SYCP2: variants seen among roughly 807,000 people sequenced by gnomAD.
SYCP2 encodes synaptonemal complex protein 2, also known as synaptonemal complex lateral element protein.
Under a neutral mutation model 211.3 loss-of-function variants are expected in SYCP2, and 55 were observed. That is an observed-to-expected ratio of 0.26 (90% CI 0.21 to 0.33). SYCP2 has a LOEUF of 0.33. SYCP2 is among the 10% of genes least tolerant of loss of function. The pLI is 1.00. For missense variants in SYCP2, 1,731 were observed against 1,752.0 expected, an observed-to-expected ratio of 0.99 and a Z score of 0.21; for synonymous variants, 570 against 555.2, an observed-to-expected ratio of 1.03 and a Z score of -0.37.
chr20:59,886,581 T>C, intron 25 of SYCP2, 126 bp downstream of exon 25: 1 of 611,030 alleles, frequency 1.6e-6, no homozygotes, highest in Non-Finnish European at 2.6e-6. Context: ...AAGTATTAAG[T>C]AACCATGTGT....
intron 14 of SYCP2, 41 bp downstream of exon 14, chr20:59,911,709 T>A: frequency 3.3e-6 from 3 of 899,952 alleles, no homozygotes; most frequent in African/African-American, 3.4e-5. Flanking sequence ...ATCTTATATA[T>A]GCATATACAT....
Position 59,916,657 on chromosome 20 carries a change from G to A in SYCP2, c.428-86C>T. 10 of 906,814 alleles carry A rather than the reference G, an allele frequency of 1.1e-5. No homozygotes were observed. In the South Asian group the frequency reaches 1.4e-4, roughly 13 times the overall value. The allele number at this position is 906,814 out of a possible 1,614,324, so 56.2% of individuals were successfully genotyped here. ...TTTTCTTATAAGAGTTAGTGGAAAG[G>A]GGCCAGGCATGGTAACTCAGGCCTA... is the stretch of plus-strand genomic sequence containing the variant. On this transcript the variant is annotated intron_variant, in intron 7 of 44. Transcript: ENST00000357552.
intron 34 of SYCP2, 132 bp from the exon 35 acceptor site, chr20:59,874,193 G>A: frequency 3.9e-6 from 2 of 511,264 alleles, no homozygotes; most frequent in South Asian, 4.4e-5. Context: ...AAAAAGGATA[G>A]CTTTAAAAAT....
chr20:59,867,773 C>T lies in SYCP2; in HGVS notation c.4063G>A (p.Gly1355Arg), dbSNP rs759456973. Residue 1355 changes from glycine (G) to arginine (R), a missense_variant, in exon 39 of 45, where the codon GGG becomes AGG. This residue lies in a region of SYCP2 where 1,387 missense variants were observed against 1,351.3 expected (regional missense o/e 1.03). Transcript: ENST00000357552. ...TAAGTCTCATAAGTCATCTCTATCC[C>T]TGCAAATTCATTTTGCCAGGTCTCC... Reference protein sequence around the residue: ...PWETWQNEFAGIEMTYETYER... With the variant: ...PWETWQNEFARIEMTYETYER... 1 of 1,610,226 alleles carries T rather than the reference C, an allele frequency of 6.2e-7. No individual in the cohort carries two copies. Among genetic ancestry groups the T allele is most frequent in the Non-Finnish European group, 8.5e-7 (1 of 1,177,464 alleles).
intron 16 of SYCP2, among the ~76,000 whole-genome samples, 190 bp from the exon 17 acceptor site, chr20:59,901,008 C>A (rs1021986160): frequency 6.6e-6 from 1 of 152,010 alleles, no homozygotes; most frequent in Non-Finnish European, 1.5e-5. Flanking sequence ...TAACCAGTCA[C>A]CTTAGCTTGT....
chr20:59,928,314 TAAC>T (rs1034913572), intron 2 of SYCP2, among the ~76,000 whole-genome samples: 4 of 152,262 alleles, frequency 2.6e-5, no homozygotes, highest in African/African-American at 4.8e-5. Flanking sequence ...AAAAAGATCT[TAAC>T]AAGAGATATG....
rs1228579349 is a variant in SYCP2 at position 59,881,763 on chromosome 20, AT to A, written c.2658+181del. ...TTCTCTACCTTATTCCTAAACAAAA[AT>A]TTAAAAAAAAAAAAAGCCACCTAAA... On this transcript the variant is annotated intron_variant, in intron 28 of 44. Coordinates refer to ENST00000357552, the MANE Select transcript of SYCP2 (RefSeq NM_014258.4). Among the ~76,000 whole-genome samples the A allele has an allele frequency of 4.0e-3, 598 of 150,564 alleles. 3 individuals carry two copies. The highest frequency in any genetic ancestry group is 0.014 in the African/African-American group (578 of 41,236).
intron 2 of SYCP2, among the ~76,000 whole-genome samples, chr20:59,930,947 G>A (rs2060727980): frequency 6.6e-6 from 1 of 152,024 alleles, no homozygotes; most frequent in East Asian, 1.9e-4. Flanking sequence ...GCTGTCAATA[G>A]TAAATAAGTA....
In SYCP2 at chr20:59,868,898, T is replaced by G; in HGVS notation, c.3769A>C (p.Lys1257Gln). Residue 1257 changes from lysine to glutamine, a missense_variant, in exon 37 of 45, where the codon AAG (lysine) becomes CAG (glutamine). By Grantham distance (53) the Lys-to-Gln change is moderately conservative. Around this residue, in one of 3 missense-constraint regions of SYCP2, gnomAD observed 1,387 missense variants for 1,351.3 expected, o/e 1.03. Transcript: ENST00000357552. ...GTTTTCTCTCTTCCTTCACTAGACT[T>G]GGATAATGAAGATGCTAAATGACTT... ...EESHLASSLSKSSEGREKTWF... is the reference protein window; with the variant it reads ...EESHLASSLSQSSEGREKTWF... The G allele has an allele frequency of 1.2e-6, 2 of 1,608,932 alleles. No individual in the cohort carries two copies. Among genetic ancestry groups the G allele is most frequent in the East Asian group, 4.5e-5 (2 of 44,680 alleles).
rs144917391 is a variant in SYCP2, at chr20:59,927,009, T to C, written c.-46-4550A>G. ...GGAAATATATACCAGAACTTTGGCA[T>C]TGGACAAACAGTTTCTGAGAACATA... On this transcript the variant is annotated intron_variant, in intron 2 of 44. Coordinates refer to ENST00000357552, the MANE Select transcript of SYCP2 (RefSeq NM_014258.4). Among the ~76,000 whole-genome samples the C allele has an allele frequency of 2.8e-4, 42 of 152,260 alleles. No homozygotes were observed. The East Asian group carries it at 5.8e-3, about 21-fold the overall frequency.
chr20:59,905,188 G>C (rs991743171), intron 15 of SYCP2, among the ~76,000 whole-genome samples: 4 of 152,140 alleles, frequency 2.6e-5, no homozygotes, highest in Non-Finnish European at 5.9e-5. Flanking sequence ...AATCACTTTG[G>C]ACAACACTTT....
chr20:59,914,089 GTTA>G lies in SYCP2; in HGVS notation c.777+17_777+19del, dbSNP rs773485968. 2.8e-5 allele frequency: 45 copies of G among 1,579,722 alleles called. No homozygotes were observed. Among genetic ancestry groups the G allele is most frequent in the African/African-American group, 5.4e-5 (4 of 73,480 alleles). ...AATTTTTAAAAATTCACGAATTTCTGTTATTGTTATACAACTTACTGTTTCAAA... is the reference window on the plus strand; with the variant it reads ...AATTTTTAAAAATTCACGAATTTCTGTTGTTATACAACTTACTGTTTCAAA... On this transcript the variant is annotated intron_variant, in intron 11 of 44. Coordinates refer to ENST00000357552, the MANE Select transcript of SYCP2 (RefSeq NM_014258.4).
chr20:59,874,791 ATTTTTC>A (rs1445198195), intron 34 of SYCP2, among the ~76,000 whole-genome samples: 1 of 151,958 alleles, frequency 6.6e-6, no homozygotes. Context: ...AAGAATATGA[ATTTTTC>A]TTTAGCAATC....
chr20:59,878,076 C>G (rs771166132), intron 31 of SYCP2, 31 bp from the exon 32 acceptor site: 1 of 1,500,696 alleles, frequency 6.7e-7, no homozygotes, highest in Non-Finnish European at 9.2e-7. Context: ...GTTAAATTTT[C>G]ACAGTAAATA....
intron 2 of SYCP2, among the ~76,000 whole-genome samples, chr20:59,931,374 G>T (rs1373849631): frequency 2.6e-5 from 4 of 152,192 alleles, no homozygotes; most frequent in Admixed American, 2.6e-4. Flanking sequence ...CCACCTCGGC[G>T]GCAGAGCAAG....
chr20:59,903,277 T>A (rs1242601354), intron 15 of SYCP2, among the ~76,000 whole-genome samples: 1 of 152,162 alleles, frequency 6.6e-6, no homozygotes, highest in African/African-American at 2.4e-5. Context: ...TTTGTTTTGT[T>A]GCTTGCTATA....
chr20:59,900,372 A>C (rs1260691761), intron 17 of SYCP2, 88 bp from the exon 18 acceptor site: 5 of 1,107,164 alleles, frequency 4.5e-6, no homozygotes, highest in Non-Finnish European at 6.3e-6. Flanking sequence ...GCTCCTACTC[A>C]TCTCACATAT....
chr20:59,877,780 T>G (rs1375744558), intron 32 of SYCP2, among the ~76,000 whole-genome samples: 1 of 152,106 alleles, frequency 6.6e-6, no homozygotes, highest in African/African-American at 2.4e-5. Flanking sequence ...TGATATATAC[T>G]ATCTAACTGA....
intron 6 of SYCP2, 96 bp from the exon 7 acceptor site, chr20:59,919,278 A>C: frequency 1.4e-6 from 1 of 726,564 alleles, no homozygotes. Flanking sequence ...GAAATGACAG[A>C]TTACATTTTA....
Sources: allele counts gnomAD v4.1 joint callset (sites outside exome capture counted in the v4.1 genomes callset), GRCh38; gene constraint gnomAD v4.1.1; regional missense constraint gnomAD v4.1.1; transcripts MANE v1.5; gene names NCBI Gene and HGNC (gene_info 2026-07-23, HGNC 2026-07-21).